The following NPAS3 variants were observed in gnomAD, a reference collection of about 807,000 sequenced individuals.
NPAS3 encodes neuronal PAS domain-containing protein 3.
In NPAS3, 14 loss-of-function variants were observed where a neutral mutation model predicts 73.1. That is an observed-to-expected ratio of 0.19 (90% confidence interval 0.13 to 0.30). The LOEUF (loss-of-function observed/expected upper bound fraction) is 0.30, where lower values mean the gene tolerates loss of function less well. Ranked by LOEUF, NPAS3 falls within the 10% of genes least tolerant of loss-of-function variation. The probability of loss-of-function intolerance (pLI) is 1.00; values close to 1 mark genes in which losing one functional copy is unlikely to be tolerated. For synonymous variants in NPAS3, 620 were observed against 541.5 expected (o/e 1.14, Z -2.01); for missense variants, 1,096 against 1,250.0 (o/e 0.88, Z 1.86).
chr14:33,322,604 G>A (rs759574795), intron 3 of NPAS3, among the ~76,000 whole-genome samples: 21 of 151,622 alleles, frequency 1.4e-4, no homozygotes, highest in Non-Finnish European at 2.6e-4. Context: ...CATCCTTGCC[G>A]TTTTGCTAAA....
chr14:33,564,707 A>G (rs1433863234), intron 5 of NPAS3, among the ~76,000 whole-genome samples: 3 of 152,220 alleles, frequency 2.0e-5, no homozygotes, highest in Admixed American at 6.5e-5. Flanking sequence ...ACCAGAGAAT[A>G]CAATTGGACT....
At chr14:33,464,617 G>A (rs2050424671) in intron 4 of NPAS3, among the ~76,000 whole-genome samples, 6 of 152,202 alleles carry the variant, frequency 3.9e-5, no homozygotes, top group Admixed American at 3.9e-4. Context: ...GGTGAAGCTA[G>A]TAGTCATTTA....
chr14:33,193,527 G>A (rs1302707612), intron 2 of NPAS3, among the ~76,000 whole-genome samples: 2 of 152,158 alleles, frequency 1.3e-5, no homozygotes, highest in Non-Finnish European at 2.9e-5. Context: ...CATCCTAGAG[G>A]ATGACATAGT....
intron 6 of NPAS3, among the ~76,000 whole-genome samples, chr14:33,693,798 A>C (rs2060298799): frequency 6.6e-6 from 1 of 152,188 alleles, no homozygotes; most frequent in Admixed American, 6.5e-5. Flanking sequence ...AACCAAACCT[A>C]ATCCTGTTAA....
chr14:33,401,765 T>G lies in NPAS3; in HGVS notation c.468+34497T>G, dbSNP rs368272017. On this transcript the variant is annotated intron_variant, in intron 4 of 11. Transcript: ENST00000356141. ...CCCTAAAAACACTCTTAGCGTACAC[T>G]AGCTGGAAACACCACCCAGTACACT... 3.9e-5 allele frequency among the ~76,000 whole-genome samples: 6 copies of G among 152,092 alleles called. No homozygotes were observed. The East Asian group carries it at 9.7e-4, about 24-fold the overall frequency.
At chr14:33,295,285 T>C (rs2140126903) in intron 3 of NPAS3, among the ~76,000 whole-genome samples, 1 of 152,268 alleles carries the variant, frequency 6.6e-6, no homozygotes, top group South Asian at 2.1e-4. Flanking sequence ...TAAGTACTGA[T>C]GAAGGGTAGG....
intron 2 of NPAS3, among the ~76,000 whole-genome samples, chr14:33,136,785 C>T (rs1039187993): frequency 3.3e-5 from 5 of 152,216 alleles, no homozygotes; most frequent in Admixed American, 1.3e-4. Flanking sequence ...ATGGCCTTTG[C>T]ATCTGGGATT....
At chr14:33,593,891 C>G (rs1346419559) in intron 5 of NPAS3, among the ~76,000 whole-genome samples, 1 of 152,130 alleles carries the variant, frequency 6.6e-6, no homozygotes, top group Admixed American at 6.5e-5. Flanking sequence ...CCATGGTTCT[C>G]TCAAAGCTGA....
At chr14:33,517,978 C>G (rs2140073537) in intron 4 of NPAS3, among the ~76,000 whole-genome samples, 1 of 152,190 alleles carries the variant, frequency 6.6e-6, no homozygotes, top group African/African-American at 2.4e-5. Context: ...CCTGCCAGAC[C>G]CAAGCAGCTT....
intron 3 of NPAS3, among the ~76,000 whole-genome samples, chr14:33,351,312 C>A (rs1371573640): frequency 6.6e-6 from 1 of 152,150 alleles, no homozygotes; most frequent in African/African-American, 2.4e-5. Flanking sequence ...ACAAACATGA[C>A]ATGACCGATG....
intron 1 of NPAS3, among the ~76,000 whole-genome samples, chr14:32,957,873 GA>G (rs941617606): frequency 3.2e-4 from 49 of 152,294 alleles, no homozygotes; most frequent in African/African-American, 9.9e-4. Flanking sequence ...TGGGCTTACA[GA>G]AGTTCTCATT....
intron 6 of NPAS3, among the ~76,000 whole-genome samples, chr14:33,685,961 C>T (rs969520481): frequency 6.6e-6 from 1 of 152,102 alleles, no homozygotes; most frequent in Non-Finnish European, 1.5e-5. Flanking sequence ...GTAGATGTGA[C>T]ATCTTCCATT....
chr14:33,657,899 G>A (rs111919264), intron 5 of NPAS3, among the ~76,000 whole-genome samples: 4 of 152,174 alleles, frequency 2.6e-5, no homozygotes, highest in African/African-American at 9.7e-5. Flanking sequence ...TGCAGGAAGC[G>A]ATAGAAATGC....
At position 33,800,720 on chromosome 14, in the gene NPAS3, C is replaced by G; in HGVS notation, c.2413C>G (p.Leu805Val). The G allele has an allele frequency of 6.4e-7, 1 of 1,551,532 alleles. No homozygotes were observed. The change falls in exon 12 of 12, where the codon CTG becomes GTG. Residue 805 changes from leucine to valine, a missense_variant. Physicochemically the swap from Leu to Val is conservative, Grantham distance 32. Transcript: ENST00000356141. This position sits in a 1 kb window ranked among gnomAD's most constrained non-coding sequence, Gnocchi z 6.5. ...GCAGGCGGGCAACGTCGTGCTCCCG[C>G]TGGTGCACAGGGTGACCGGGACCCT...
chr14:32,941,456 AT>A (rs1161154099), intron 1 of NPAS3, among the ~76,000 whole-genome samples: 3 of 150,360 alleles, frequency 2.0e-5, no homozygotes. Flanking sequence ...TGAGATAAGA[AT>A]CTCGGAGATA....
At chr14:33,404,959 G>C (rs1204492297) in intron 4 of NPAS3, among the ~76,000 whole-genome samples, 1 of 151,786 alleles carries the variant, frequency 6.6e-6, no homozygotes, top group Non-Finnish European at 1.5e-5. Context: ...GTTCTCCCTT[G>C]TCTATATTGT....
intron 4 of NPAS3, among the ~76,000 whole-genome samples, chr14:33,426,017 G>C (rs2048540513): frequency 6.6e-6 from 1 of 152,050 alleles, no homozygotes; most frequent in Non-Finnish European, 1.5e-5. Flanking sequence ...GTCATCTTCT[G>C]GTGCTAGAGA....
intron 5 of NPAS3, among the ~76,000 whole-genome samples, chr14:33,588,707 A>C (rs1487247354): frequency 6.6e-6 from 1 of 152,124 alleles, no homozygotes; most frequent in Non-Finnish European, 1.5e-5. Flanking sequence ...TTCGCCTCCC[A>C]GGTTCAAGTA....
At chr14:33,353,845 A>T (rs2045199287) in intron 3 of NPAS3, among the ~76,000 whole-genome samples, 1 of 152,090 alleles carries the variant, frequency 6.6e-6, no homozygotes, top group South Asian at 2.1e-4. Context: ...GGGAACAATG[A>T]TGGCTTGGGT....
Sources: allele counts gnomAD v4.1 joint callset (sites outside exome capture counted in the v4.1 genomes callset), GRCh38; gene constraint gnomAD v4.1.1; non-coding constraint Gnocchi (gnomAD v3.1); transcripts MANE v1.5; gene names NCBI Gene and HGNC (gene_info 2026-07-23, HGNC 2026-07-21).